The following ITGA9 variants were observed in gnomAD, a reference collection of about 807,000 sequenced individuals.
The protein encoded by ITGA9 is integrin alpha-9.
ITGA9 carries 56 observed loss-of-function variants against 127.8 expected under a neutral mutation model. The observed-to-expected ratio is 0.44, with a 90% CI of 0.35 to 0.55. The LOEUF is 0.55. ITGA9 is among the 20% of genes least tolerant of loss of function. ITGA9 has a pLI of 0.00. For missense variants in ITGA9, 1,196 were observed against 1,347.1 expected (o/e 0.89, Z 1.76); for synonymous variants, 508 against 514.5 (o/e 0.99, Z 0.17).
At chr3:37,510,642 G>T (rs1017747721) in intron 8 of ITGA9, among the ~76,000 whole-genome samples, 1 of 152,170 alleles carries the variant, frequency 6.6e-6, no homozygotes, top group African/African-American at 2.4e-5. Flanking sequence ...TCCAGGACAG[G>T]TTCAGGCCTG....
intron 16 of ITGA9, among the ~76,000 whole-genome samples, chr3:37,642,694 G>A (rs953673108): frequency 2.6e-5 from 4 of 152,328 alleles, no homozygotes; most frequent in East Asian, 1.9e-4. Flanking sequence ...AAAAGGTGTC[G>A]GCTTTGTTGA....
At chr3:37,755,131 A>G (rs912206292) in intron 23 of ITGA9, among the ~76,000 whole-genome samples, 1 of 152,204 alleles carries the variant, frequency 6.6e-6, no homozygotes, top group African/African-American at 2.4e-5. Flanking sequence ...TGTGCTGTCA[A>G]ATTTAATCCT....
chr3:37,693,443 G>A (rs890573932), intron 18 of ITGA9, among the ~76,000 whole-genome samples: 1 of 152,174 alleles, frequency 6.6e-6, no homozygotes, highest in Non-Finnish European at 1.5e-5. Flanking sequence ...TCGAGGGCTT[G>A]TAAGTTTGTT....
chr3:37,544,311 G>A (rs933559371), intron 15 of ITGA9, among the ~76,000 whole-genome samples: 1 of 152,106 alleles, frequency 6.6e-6, no homozygotes, highest in African/African-American at 2.4e-5. Flanking sequence ...CAAGGGGTTG[G>A]TCCTGCTACT....
At chr3:37,748,471 G>A (rs971381091) in intron 22 of ITGA9, 12 of 571,342 alleles carry the variant, frequency 2.1e-5, no homozygotes, top group East Asian at 3.7e-5. Context: ...GGAAGCTGGC[G>A]GCACAGTAGC....
chr3:37,800,846 C>T (rs976476859), intron 26 of ITGA9, among the ~76,000 whole-genome samples: 24 of 152,164 alleles, frequency 1.6e-4, no homozygotes, highest in African/African-American at 5.8e-4. Flanking sequence ...CAGCCTGGAG[C>T]AATTTCCCAA....
intron 15 of ITGA9, among the ~76,000 whole-genome samples, chr3:37,580,980 G>A (rs773445585): frequency 2.0e-5 from 3 of 152,172 alleles, no homozygotes; most frequent in East Asian, 3.9e-4. Context: ...GCTTCAAAGC[G>A]TTGTTAGGAA....
intron 15 of ITGA9, among the ~76,000 whole-genome samples, chr3:37,587,647 T>C (rs1325527097): frequency 6.6e-6 from 1 of 152,142 alleles, no homozygotes; most frequent in African/African-American, 2.4e-5. Flanking sequence ...ACTGCATTTA[T>C]TTGCTAGGGG....
intron 15 of ITGA9, among the ~76,000 whole-genome samples, chr3:37,620,833 G>T (rs1346666756): frequency 6.6e-6 from 1 of 152,134 alleles, no homozygotes; most frequent in Non-Finnish European, 1.5e-5. Flanking sequence ...TCCCTCATTG[G>T]ATTGCCACCA....
At chr3:37,675,473 A>C (rs529208419) in intron 17 of ITGA9, among the ~76,000 whole-genome samples, 6 of 152,122 alleles carry the variant, frequency 3.9e-5, no homozygotes, top group Admixed American at 2.0e-4. Flanking sequence ...CCAGCTCTGC[A>C]TCTGGGGGCG....
At chr3:37,525,448 G>T (rs1302935720) in intron 12 of ITGA9, among the ~76,000 whole-genome samples, 1 of 152,116 alleles carries the variant, frequency 6.6e-6, no homozygotes, top group Non-Finnish European at 1.5e-5. Context: ...TACAGACAGG[G>T]ATACCATGAG....
intron 18 of ITGA9, among the ~76,000 whole-genome samples, chr3:37,730,057 G>C (rs1373968143): frequency 6.6e-6 from 1 of 152,046 alleles, no homozygotes; most frequent in Non-Finnish European, 1.5e-5. Context: ...CTTCTCTCCT[G>C]GTTTGAAAGG....
At chr3:37,466,446 T>C (rs371302994) in intron 1 of ITGA9, among the ~76,000 whole-genome samples, 32 of 118,814 alleles carry the variant, frequency 2.7e-4, no homozygotes, top group African/African-American at 9.5e-4. Flanking sequence ...ATCGCCGCAC[T>C]GCACTCCAGC....
intron 17 of ITGA9, among the ~76,000 whole-genome samples, chr3:37,666,879 C>T (rs181957855): frequency 6.6e-6 from 1 of 152,274 alleles, no homozygotes; most frequent in East Asian, 1.9e-4. Context: ...CTTGGAATGA[C>T]TATATCTGAG....
chr3:37,559,894 T>G (rs1247147476), intron 15 of ITGA9, among the ~76,000 whole-genome samples: 1 of 152,202 alleles, frequency 6.6e-6, no homozygotes, highest in Non-Finnish European at 1.5e-5. Flanking sequence ...CAGTGGAAAC[T>G]CAAGAGCAGC....
chr3:37,465,447 T>A (rs999444689), intron 1 of ITGA9, among the ~76,000 whole-genome samples: 6 of 152,146 alleles, frequency 3.9e-5, no homozygotes, highest in Non-Finnish European at 1.5e-5. Flanking sequence ...ACACAGACAC[T>A]CTGGGTTCAA....
chr3:37,524,165 T>TA (rs907371719), intron 12 of ITGA9, among the ~76,000 whole-genome samples: 1 of 152,192 alleles, frequency 6.6e-6, no homozygotes, highest in African/African-American at 2.4e-5. Context: ...TGGATAAAGA[T>TA]ACATGATTTC....
chr3:37,592,385 C>G (rs1024569484), intron 15 of ITGA9, among the ~76,000 whole-genome samples: 1 of 152,086 alleles, frequency 6.6e-6, no homozygotes, highest in African/African-American at 2.4e-5. Context: ...TGCTGCAATT[C>G]CTTAGGACCT....
intron 17 of ITGA9, among the ~76,000 whole-genome samples, chr3:37,681,913 A>G (rs538540015): frequency 6.3e-4 from 96 of 152,200 alleles, no homozygotes; most frequent in Admixed American, 2.1e-3. Context: ...AAATAGAAGC[A>G]ATCACAGAGG....
Sources: allele counts gnomAD v4.1 joint callset (sites outside exome capture counted in the v4.1 genomes callset), GRCh38; gene constraint gnomAD v4.1.1; transcripts MANE v1.5; gene names NCBI Gene and HGNC (gene_info 2026-07-23, HGNC 2026-07-21).